Variants in PKIB observed in about 807,000 individuals in gnomAD.
PKIB encodes the protein cAMP-dependent protein kinase inhibitor beta.
In PKIB, 2 loss-of-function variants were observed where a neutral mutation model predicts 4.5. That is an observed-to-expected ratio of 0.44 (90% CI 0.18 to 1.39). PKIB has a LOEUF of 1.39. PKIB is among the 40% of genes most tolerant of loss of function. The probability of loss-of-function intolerance (pLI) is 0.27; values close to 1 mark genes in which losing one functional copy is unlikely to be tolerated. For synonymous variants in PKIB, 38 were observed against 36.0 expected, an observed-to-expected ratio of 1.06 and a Z score of -0.20; for missense variants, 94 against 92.6, an observed-to-expected ratio of 1.02 and a Z score of -0.06.
rs148064229 is a variant in PKIB, at chr6:122,569,188, G to A, written c.-247-16733G>A. Among the ~76,000 whole-genome samples, 34 of 152,232 alleles carry A rather than the reference G, an allele frequency of 2.2e-4. No homozygotes were observed. The East Asian group carries it at 6.2e-3, about 28-fold the overall frequency. ...CAACTGGCTGTGCCCCTCCACCCAC[G>A]CTGATAGCTTAACACAAAGAACATA... On this transcript the variant is annotated intron_variant, in intron 2 of 6. Coordinates refer to the PKIB transcript ENST00000392491.
chr6:122,592,453 TGAA>T (rs1311394762), intron 3 of PKIB, among the ~76,000 whole-genome samples: 3 of 152,298 alleles, frequency 2.0e-5, no homozygotes, highest in African/African-American at 4.8e-5. Context: ...AAAAGAATCA[TGAA>T]GAAGTTGCAT....
At chr6:122,595,507 C>A (rs12194149) in intron 3 of PKIB, among the ~76,000 whole-genome samples, 1 of 152,062 alleles carries the variant, frequency 6.6e-6, no homozygotes, top group Non-Finnish European at 1.5e-5. Flanking sequence ...GTAGTCTTGG[C>A]AGAAGCATTG....
chr6:122,715,673 A>G (rs906090438), intron 3 of PKIB, among the ~76,000 whole-genome samples: 2 of 151,068 alleles, frequency 1.3e-5, no homozygotes, highest in Admixed American at 1.3e-4. Context: ...ATACATACAC[A>G]TATATATGAA....
chr6:122,601,095 C>T (rs1190911744), intron 3 of PKIB, among the ~76,000 whole-genome samples: 1 of 150,516 alleles, frequency 6.6e-6, no homozygotes, highest in East Asian at 2.0e-4. Context: ...TAAGGCATAG[C>T]AATAGAACTA....
intron 3 of PKIB, among the ~76,000 whole-genome samples, chr6:122,696,684 C>T (rs143135771): frequency 6.6e-6 from 1 of 152,240 alleles, no homozygotes; most frequent in African/African-American, 2.4e-5. Flanking sequence ...AGACCGTCAA[C>T]CTTAAAGTCC....
chr6:122,686,185 A>T (rs945602335), intron 3 of PKIB, among the ~76,000 whole-genome samples: 2 of 152,190 alleles, frequency 1.3e-5, no homozygotes, highest in African/African-American at 4.8e-5. Flanking sequence ...TAGGATTGCT[A>T]GATCATATGG....
intron 2 of PKIB, among the ~76,000 whole-genome samples, chr6:122,517,648 G>C (rs1459820528): frequency 3.9e-5 from 6 of 152,198 alleles, no homozygotes; most frequent in African/African-American, 1.2e-4. Flanking sequence ...AGATAACTTT[G>C]CTACGAAATA....
In PKIB at chr6:122,594,243, C is replaced by G. The variant is rs189034741; in HGVS notation, c.-161+8236C>G. On this transcript the variant is annotated intron_variant, in intron 3 of 6. Coordinates refer to the PKIB transcript ENST00000392491. ...TTTTTTTTTAAGATGGAGTCTTGCT[C>G]TGTCACCAGGCTGGAGTGCAGTGGT... Among the ~76,000 whole-genome samples the G allele has an allele frequency of 1.0e-4, 15 of 149,978 alleles. No homozygotes were observed. The East Asian group carries it at 2.7e-3, about 27-fold the overall frequency.
intron 1 of PKIB, among the ~76,000 whole-genome samples, chr6:122,629,411 A>T (rs1775598782): frequency 6.7e-6 from 1 of 149,508 alleles, no homozygotes; most frequent in Non-Finnish European, 1.5e-5. Flanking sequence ...AGTTCATATC[A>T]TTATGAATAA....
chr6:122,664,809 A>C (rs1473243036), intron 2 of PKIB, among the ~76,000 whole-genome samples: 2 of 152,224 alleles, frequency 1.3e-5, no homozygotes, highest in Non-Finnish European at 2.9e-5. Context: ...AAGCATATCT[A>C]AATAATTCAT....
At chr6:122,679,720 A>G (rs563279611) in intron 3 of PKIB, among the ~76,000 whole-genome samples, 1 of 152,314 alleles carries the variant, frequency 6.6e-6, no homozygotes, top group Non-Finnish European at 1.5e-5. Flanking sequence ...AAGGAAGGTG[A>G]TATTTCTAAG....
intron 2 of PKIB, among the ~76,000 whole-genome samples, chr6:122,640,264 C>T (rs943406014): frequency 6.6e-6 from 1 of 152,096 alleles, no homozygotes; most frequent in Non-Finnish European, 1.5e-5. Flanking sequence ...GTAAAAAGAT[C>T]CTCTCTTCTT....
At chr6:122,528,693 A>G (rs187723594) in intron 2 of PKIB, among the ~76,000 whole-genome samples, 76 of 152,226 alleles carry the variant, frequency 5.0e-4, no homozygotes, top group African/African-American at 1.6e-3. Context: ...GGAGTTCAAG[A>G]TTAGCTTGGG....
chr6:122,645,145 G>A (rs1170506791), intron 2 of PKIB, among the ~76,000 whole-genome samples: 1 of 152,160 alleles, frequency 6.6e-6, no homozygotes, highest in Non-Finnish European at 1.5e-5. Context: ...GTACAGGTTG[G>A]TACATGACTT....
intron 2 of PKIB, among the ~76,000 whole-genome samples, chr6:122,534,891 A>G (rs1406510991): frequency 6.6e-6 from 1 of 152,200 alleles, no homozygotes; most frequent in Non-Finnish European, 1.5e-5. Flanking sequence ...AAGGCTAAGG[A>G]AAGAGTTTCA....
chr6:122,492,748 T>G (rs2114540739), intron 2 of PKIB, among the ~76,000 whole-genome samples: 1 of 150,990 alleles, frequency 6.6e-6, no homozygotes, highest in African/African-American at 2.4e-5. Context: ...AGCTTTATCA[T>G]ATCTTATATA....
At chr6:122,695,130 C>CA (rs1562306429) in intron 3 of PKIB, among the ~76,000 whole-genome samples, 2 of 151,852 alleles carry the variant, frequency 1.3e-5, no homozygotes, top group African/African-American at 4.8e-5. Context: ...AACATTAAGC[C>CA]AAAAAACAGG....
intron 2 of PKIB, among the ~76,000 whole-genome samples, chr6:122,544,424 A>G (rs1405357984): frequency 6.6e-6 from 1 of 152,022 alleles, no homozygotes; most frequent in African/African-American, 2.4e-5. Flanking sequence ...CATAACCTGT[A>G]AAATAAACCC....
intron 3 of PKIB, among the ~76,000 whole-genome samples, chr6:122,702,196 G>C (rs181907448): frequency 6.6e-6 from 1 of 151,846 alleles, no homozygotes; most frequent in Non-Finnish European, 1.5e-5. Context: ...TATGTAATCC[G>C]AACAAAAGTC....
Sources: allele counts gnomAD v4.1 joint callset (sites outside exome capture counted in the v4.1 genomes callset), GRCh38; gene constraint gnomAD v4.1.1; transcripts MANE v1.5; gene names NCBI Gene and HGNC (gene_info 2026-07-23, HGNC 2026-07-21).